ICE1: variants seen among roughly 807,000 people sequenced by gnomAD.
ICE1 encodes the protein interactor of little elongation complex ELL subunit 1, also known as little elongation complex subunit 1.
ICE1 carries 64 observed loss-of-function variants against 192.7 expected under a neutral mutation model. The ratio of observed to expected loss-of-function variants is 0.33; its 90% CI spans 0.27 to 0.41. The LOEUF is 0.41. ICE1 is among the 10% of genes least tolerant of loss of function. The probability of loss-of-function intolerance (pLI) is 1.00; values close to 1 mark genes in which losing one functional copy is unlikely to be tolerated. For synonymous variants in ICE1, 1,010 were observed against 984.5 expected, an observed-to-expected ratio of 1.03 and a Z score of -0.49; for missense variants, 2,708 against 2,696.0, an observed-to-expected ratio of 1.00 and a Z score of -0.10.
intron 17 of ICE1, among the ~76,000 whole-genome samples, chr5:5,479,516 A>G (rs1739435418): frequency 6.6e-6 from 1 of 152,224 alleles, no homozygotes; most frequent in African/African-American, 2.4e-5. Context: ...TAGTTCAAGC[A>G]TTGTGGAAGA....
chr5:5,450,061 C>G (rs556469094), intron 10 of ICE1, among the ~76,000 whole-genome samples: 2 of 152,302 alleles, frequency 1.3e-5, no homozygotes, highest in South Asian at 4.1e-4. Context: ...CAAAGATGTT[C>G]TGCCTAAACT....
intron 17 of ICE1, among the ~76,000 whole-genome samples, chr5:5,482,325 T>C (rs986948268): frequency 1.3e-5 from 2 of 152,236 alleles, no homozygotes; most frequent in African/African-American, 4.8e-5. Context: ...TTATATGTTA[T>C]AGAGAATAAG....
At chr5:5,429,205 T>C (rs1256499740) in intron 1 of ICE1, among the ~76,000 whole-genome samples, 5 of 152,146 alleles carry the variant, frequency 3.3e-5, no homozygotes, top group Non-Finnish European at 7.4e-5. Flanking sequence ...TTTTTTTTAC[T>C]GGGGGCTGGT....
At chr5:5,443,276 G>T in intron 6 of ICE1, 32 bp downstream of exon 6, 2 of 1,184,494 alleles carry the variant, frequency 1.7e-6, no homozygotes, top group Non-Finnish European at 2.3e-6. Flanking sequence ...ATAGAAATAC[G>T]GTTTTCAGTT....
chr5:5,441,355 T>C, intron 5 of ICE1, 132 bp downstream of exon 5: 1 of 613,240 alleles, frequency 1.6e-6, no homozygotes, highest in African/African-American at 1.9e-5. Flanking sequence ...AGTGTATTAT[T>C]AGCTTTAGAG....
At chr5:5,472,886 C>G (rs1739202496) in intron 15 of ICE1, among the ~76,000 whole-genome samples, 1 of 152,096 alleles carries the variant, frequency 6.6e-6, no homozygotes, top group African/African-American at 2.4e-5. Context: ...AGCCAGAGGC[C>G]CAGGAGTTCC....
At chr5:5,469,017 TCTTA>T in intron 15 of ICE1, 29 bp downstream of exon 15, 1 of 1,423,374 alleles carries the variant, frequency 7.0e-7, no homozygotes, top group East Asian at 2.5e-5. Context: ...TCTTACAGTA[TCTTA>T]CTTTTAGATA....
chr5:5,457,487 G>A lies in ICE1; in HGVS notation c.847G>A (p.Glu283Lys), dbSNP rs190174914. 5 of 1,613,924 alleles carry A rather than the reference G, an allele frequency of 3.1e-6. No homozygotes were observed. The Admixed American group carries it at 8.3e-5, about 27-fold the overall frequency. Residue 283 changes from glutamate to lysine, a missense_variant, in exon 12 of 19, where the codon GAA becomes AAA. By Grantham distance (56) the Glu-to-Lys change is moderately conservative (BLOSUM62 1). Transcript: ENST00000296564. ...IKEDFLCQNV[E>K]KQSSSGTNCS... ...GGAGGACTTTTTATGTCAAAATGTG[G>A]AAAAACAGAGCTCCAGTGGAACAAA...
At position 5,461,830 on chromosome 5, in the gene ICE1, A is replaced by G. The variant is rs1352676090; in HGVS notation, c.2496A>G (p.Thr832=). ...CATTCCTACAAAATAGAGGACCAACACCCAAGCCTGATCTTCTTAGAGAAA... is the reference window on the plus strand; with the variant it reads ...CATTCCTACAAAATAGAGGACCAACGCCCAAGCCTGATCTTCTTAGAGAAA... ...AMPFLQNRGP[T]PKPDLLRENN... Residue 832 remains threonine (T), a synonymous_variant, in exon 13 of 19, where the codon ACA becomes ACG. Coordinates refer to ENST00000296564, the MANE Select transcript of ICE1 (RefSeq NM_015325.3). 2 of 1,614,010 alleles carry G rather than the reference A, an allele frequency of 1.2e-6. No individual in the cohort carries two copies. Among genetic ancestry groups the G allele is most frequent in the South Asian group, 1.1e-5 (1 of 91,082 alleles).
chr5:5,464,367 C>T lies in ICE1; in HGVS notation c.5033C>T (p.Pro1678Leu), dbSNP rs371445348. Residue 1678 changes from proline (P) to leucine (L), a missense_variant, in exon 13 of 19, where the codon CCT becomes CTT. Coordinates refer to ENST00000296564, the MANE Select transcript of ICE1 (RefSeq NM_015325.3). The surrounding 1 kb of genome is among the most constrained non-coding windows in gnomAD (Gnocchi z 4.0). ...QVSPFRETPV[P>L]PAMSPWPEDP... ...TCTCCCTTCCGTGAAACCCCAGTGC[C>T]TCCTGCCATGTCTCCATGGCCAGAG... 6.2e-5 allele frequency: 100 copies of T among 1,613,848 alleles called. No homozygotes were observed. The highest frequency in any genetic ancestry group is 7.1e-5 in the Non-Finnish European group (84 of 1,179,876).
intron 12 of ICE1, among the ~76,000 whole-genome samples, chr5:5,459,210 T>A (rs1010728851): frequency 7.2e-5 from 11 of 152,142 alleles, no homozygotes; most frequent in African/African-American, 2.7e-4. Flanking sequence ...ACCTAAGTTG[T>A]GGCATTGGTG....
At chr5:5,441,943 T>A (rs1212434400) in intron 5 of ICE1, among the ~76,000 whole-genome samples, 1 of 152,076 alleles carries the variant, frequency 6.6e-6, no homozygotes, top group Non-Finnish European at 1.5e-5. Context: ...AGGTTAGGGG[T>A]TATTTCTTTT....
rs545995657 is a variant in ICE1, at chr5:5,454,409, A to G, written c.605-143A>G. 6.3e-4 allele frequency: 352 copies of G among 560,086 alleles called. 2 individuals are homozygous for G. In the African/African-American group the frequency reaches 6.3e-3, roughly 10 times the overall value. The allele number at this position is 560,086 out of a possible 1,614,324, so 34.7% of individuals were successfully genotyped here. ...GACCTTTTTATCAGTAACTGACTGTATTGTGCACAATGGTTGAGTTTGGGG... is the reference window on the plus strand; with the variant it reads ...GACCTTTTTATCAGTAACTGACTGTGTTGTGCACAATGGTTGAGTTTGGGG... On this transcript the variant is annotated intron_variant, in intron 10 of 18. Coordinates refer to ENST00000296564, the MANE Select transcript of ICE1 (RefSeq NM_015325.3).
At chr5:5,473,869 A>G (rs1029661259) in intron 16 of ICE1, 121 bp downstream of exon 16, 5 of 655,162 alleles carry the variant, frequency 7.6e-6, no homozygotes, top group African/African-American at 5.7e-5. Flanking sequence ...AACATTTACA[A>G]ATTACACTGT....
chr5:5,458,194 G>A (rs1402018596), intron 12 of ICE1, among the ~76,000 whole-genome samples: 1 of 152,210 alleles, frequency 6.6e-6, no homozygotes, highest in Non-Finnish European at 1.5e-5. Flanking sequence ...ATGGTTTACA[G>A]TAGTTTCTTA....
At position 5,460,977 on chromosome 5, in the gene ICE1, G is replaced by A. The variant is rs2111376695; in HGVS notation, c.1643G>A (p.Gly548Glu). 6.2e-7 allele frequency: 1 copy of A among 1,613,998 alleles called. No individual in the cohort carries two copies. Among genetic ancestry groups the A allele is most frequent in the Middle Eastern group, 1.6e-4 (1 of 6,062 alleles). ...TTAAATGAACTCATGGAATCTGAAG[G>A]AAAAACCGTATTGTCTAAAATGATG... is the stretch of plus-strand genomic sequence containing the variant. ...RPLNELMESE[G>E]KTVLSKMMGS... The change falls in exon 13 of 19, where the codon GGA (glycine) becomes GAA (glutamate). Residue 548 changes from glycine to glutamate, a missense_variant. Physicochemically the swap from Gly to Glu is moderately conservative, Grantham distance 98. Transcript: ENST00000296564.
rs375558130 is a variant in ICE1 at position 5,461,194 on chromosome 5, T to A, written c.1860T>A (p.Asp620Glu). Residue 620 changes from aspartate to glutamate, a missense_variant, in exon 13 of 19, where the codon GAT becomes GAA. Asp to Glu is a conservative substitution (Grantham distance 45). Coordinates refer to ENST00000296564, the MANE Select transcript of ICE1 (RefSeq NM_015325.3). ...ATGATGACTCAGGTGATGGAATGGA[T>A]GTAGCAGGGCTTGACATTGAAACCA... ...SEDDDSGDGMDVAGLDIETSF... is the reference protein window; with the variant it reads ...SEDDDSGDGMEVAGLDIETSF... The A allele has an allele frequency of 8.7e-6, 14 of 1,613,882 alleles. No individual in the cohort carries two copies. The highest frequency in any genetic ancestry group is 1.3e-5 in the African/African-American group (1 of 74,938).
chr5:5,465,245 C>G lies in ICE1; in HGVS notation c.5892+19C>G, dbSNP rs547293079. 20 of 1,496,362 alleles carry G rather than the reference C, an allele frequency of 1.3e-5. No homozygotes were observed. Among genetic ancestry groups the G allele is most frequent in the Non-Finnish European group, 1.7e-5 (19 of 1,104,072 alleles). 92.7% of individuals were successfully genotyped at this position (1,496,362 alleles called of 1,614,324 possible). A position where few individuals can be genotyped will look rare whatever the true frequency, so the allele number is the denominator to read the frequency against. On this transcript the variant is annotated intron_variant, in intron 13 of 18. Coordinates refer to ENST00000296564, the MANE Select transcript of ICE1 (RefSeq NM_015325.3). ...AAAAAAGGTATGTGGCTGCTCTTTTCTAAGTGCATTAGGGATTACATGTCC... is the reference window on the plus strand; with the variant it reads ...AAAAAAGGTATGTGGCTGCTCTTTTGTAAGTGCATTAGGGATTACATGTCC...
At chr5:5,472,640 C>A (rs1034808615) in intron 15 of ICE1, among the ~76,000 whole-genome samples, 2 of 152,104 alleles carry the variant, frequency 1.3e-5, no homozygotes, top group Non-Finnish European at 2.9e-5. Flanking sequence ...CTTATAGAAA[C>A]CTTGAGACTT....
Sources: gnomAD v4.1 joint callset for allele counts (sites outside exome capture counted in the v4.1 genomes callset) on GRCh38, gnomAD v4.1.1 for gene constraint, Gnocchi (gnomAD v3.1) non-coding constraint, MANE v1.5 for transcripts, NCBI Gene and HGNC (gene_info 2026-07-23, HGNC 2026-07-21) for gene names.